Variants in TRPM3 observed in about 807,000 individuals in gnomAD.
The protein encoded by TRPM3 is long transient receptor potential channel 3.
TRPM3 carries 77 observed loss-of-function variants against 181.2 expected under a neutral mutation model. The observed-to-expected ratio is 0.42, with a 90% confidence interval of 0.35 to 0.51. The LOEUF is 0.51. Among genes scored for constraint, TRPM3 ranks in the 20% least tolerant of loss-of-function variants. TRPM3 has a pLI of 0.01. For synonymous variants in TRPM3, 745 were observed against 796.4 expected (o/e 0.94, Z 1.09); for missense variants, 1,759 against 2,196.7 (o/e 0.80, Z 3.98).
At chr9:70,951,973 G>A (rs1590028422) in intron 1 of TRPM3, among the ~76,000 whole-genome samples, 1 of 152,138 alleles carries the variant, frequency 6.6e-6, no homozygotes, top group East Asian at 1.9e-4. Context: ...AAATGATTTA[G>A]GGGAAGAACA....
At chr9:71,080,207 TA>T (rs1218269833) in intron 1 of TRPM3, among the ~76,000 whole-genome samples, 1 of 145,754 alleles carries the variant, frequency 6.9e-6, no homozygotes, top group African/African-American at 2.5e-5. Context: ...AATAAATAAA[TA>T]AAATAAAAAG....
At chr9:70,686,982 G>A (rs921428872) in intron 8 of TRPM3, among the ~76,000 whole-genome samples, 62 of 151,684 alleles carry the variant, frequency 4.1e-4, no homozygotes, top group African/African-American at 1.4e-3. Flanking sequence ...CACCATGCCC[G>A]GCTAATTTTT....
At chr9:71,141,692 G>A (rs1021938950) in intron 1 of TRPM3, among the ~76,000 whole-genome samples, 19 of 152,068 alleles carry the variant, frequency 1.2e-4, no homozygotes, top group African/African-American at 4.6e-4. Context: ...CTTGAATGAC[G>A]GGATTAATAT....
intron 7 of TRPM3, among the ~76,000 whole-genome samples, chr9:70,764,127 C>A (rs1002660504): frequency 5.9e-5 from 9 of 152,032 alleles, no homozygotes; most frequent in Non-Finnish European, 4.4e-5. Context: ...GGTTTTATCC[C>A]CCAGACAATG....
intron 1 of TRPM3, among the ~76,000 whole-genome samples, chr9:70,931,238 A>C (rs2096772454): frequency 6.6e-6 from 1 of 152,152 alleles, no homozygotes; most frequent in Non-Finnish European, 1.5e-5. Flanking sequence ...AAGTTTTAAG[A>C]ATAACTTGGA....
At chr9:71,342,145 T>A (rs2091002385) in intron 1 of TRPM3, among the ~76,000 whole-genome samples, 1 of 150,480 alleles carries the variant, frequency 6.6e-6, no homozygotes, top group Non-Finnish European at 1.5e-5. Context: ...AAACAGACAC[T>A]TTTAAATATC....
chr9:70,881,130 T>C lies in TRPM3; in HGVS notation c.178-16619A>G, dbSNP rs1482317159. On this transcript the variant is annotated intron_variant, in intron 1 of 25. Transcript: ENST00000677713. The stretch of plus-strand genomic sequence containing the variant: ...TTAGATGTACATATTTTCAGGTACA[T>C]GTGATAATTTGATACATTCATATAA... 2.0e-5 allele frequency among the ~76,000 whole-genome samples: 3 copies of C among 152,150 alleles called. No individual in the cohort carries two copies. In the East Asian group the frequency reaches 5.8e-4, roughly 29 times the overall value.
Position 70,923,033 on chromosome 9 carries a change from G to A in TRPM3, c.178-58522C>T, listed in dbSNP as rs575399980. ...AAGAGAAAAAGCCATTGATCTTTCC[G>A]ACTTTGGTTTTTCCAAATGGAGTGG... On this transcript the variant is annotated intron_variant, in intron 1 of 25. Transcript: ENST00000677713. Among the ~76,000 whole-genome samples the A allele has an allele frequency of 5.3e-4, 80 of 152,102 alleles. 1 individual carries two copies. The highest frequency in any genetic ancestry group is 1.8e-3 in the African/African-American group (74 of 41,488).
At chr9:71,080,527 GTGTTTGAGGGATGATAGGA>G (rs2064140933) in intron 1 of TRPM3, among the ~76,000 whole-genome samples, 1 of 152,154 alleles carries the variant, frequency 6.6e-6, no homozygotes, top group Non-Finnish European at 1.5e-5. Context: ...TGTGGATTCT[GTGTTTGAGGGATGATAGGA>G]CAATGAGGTA....
chr9:70,676,837 C>G (rs551911627), intron 9 of TRPM3, among the ~76,000 whole-genome samples: 1 of 152,166 alleles, frequency 6.6e-6, no homozygotes, highest in Admixed American at 6.5e-5. Context: ...TCATTCTCCC[C>G]CAAGGCAAGC....
intron 6 of TRPM3, among the ~76,000 whole-genome samples, chr9:70,785,944 C>G (rs1370776993): frequency 6.6e-6 from 1 of 152,088 alleles, no homozygotes. Flanking sequence ...GACAAGTGAC[C>G]TGGGGACCCA....
At chr9:71,185,560 G>A (rs978298609) in intron 1 of TRPM3, among the ~76,000 whole-genome samples, 8 of 152,042 alleles carry the variant, frequency 5.3e-5, no homozygotes, top group African/African-American at 1.7e-4. Flanking sequence ...AGGCTAATTA[G>A]GACAGCCTTT....
chr9:70,973,016 A>C (rs2097262210), intron 1 of TRPM3, among the ~76,000 whole-genome samples: 1 of 152,168 alleles, frequency 6.6e-6, no homozygotes, highest in Non-Finnish European at 1.5e-5. Flanking sequence ...TGTGACACTC[A>C]TACTTTCAAC....
intron 1 of TRPM3, among the ~76,000 whole-genome samples, chr9:70,932,941 A>T (rs560973606): frequency 7.3e-4 from 111 of 152,156 alleles, no homozygotes; most frequent in Non-Finnish European, 1.4e-3. Context: ...GACAGAAGAG[A>T]TGGTGAGAAG....
chr9:70,562,045 G>T (rs777945647), intron 22 of TRPM3, among the ~76,000 whole-genome samples: 8 of 152,056 alleles, frequency 5.3e-5, no homozygotes, highest in Non-Finnish European at 1.0e-4. Flanking sequence ...TTTATTTTGT[G>T]GTTATCCTCT....
intron 1 of TRPM3, among the ~76,000 whole-genome samples, chr9:71,375,044 T>C (rs1425037359): frequency 1.3e-5 from 2 of 152,126 alleles, no homozygotes; most frequent in Non-Finnish European, 2.9e-5. Flanking sequence ...TTCCATGCAT[T>C]CCCATTAAAC....
intron 1 of TRPM3, among the ~76,000 whole-genome samples, chr9:71,173,272 A>G (rs1565303613): frequency 6.6e-6 from 1 of 152,136 alleles, no homozygotes; most frequent in Non-Finnish European, 1.5e-5. Flanking sequence ...ATAATTATAT[A>G]TATTAACAAT....
chr9:70,601,863 TATC>T (rs1185302251), intron 20 of TRPM3, among the ~76,000 whole-genome samples: 2 of 152,118 alleles, frequency 1.3e-5, no homozygotes, highest in Admixed American at 6.5e-5. Context: ...CTTTTCTGCT[TATC>T]ATGGGGAAGG....
In TRPM3 at chr9:71,102,798, A is replaced by T. The variant is rs114959187; in HGVS notation, c.177+18380T>A. On this transcript the variant is annotated intron_variant, in intron 1 of 25. Coordinates refer to ENST00000677713, the MANE Select transcript of TRPM3 (RefSeq NM_001366145.2). ...TAATTATTCATGTCAATTTCCTCCC[A>T]TTAGTTGGTCAGATCCTAGACTGTA... Among the ~76,000 whole-genome samples the T allele has an allele frequency of 8.8e-3, 1,341 of 152,204 alleles. 6 individuals carry two copies. The highest frequency in any genetic ancestry group is 0.017 in the African/African-American group (715 of 41,526).
Sources: allele counts gnomAD v4.1 joint callset (sites outside exome capture counted in the v4.1 genomes callset), GRCh38; gene constraint gnomAD v4.1.1; transcripts MANE v1.5; gene names NCBI Gene and HGNC (gene_info 2026-07-23, HGNC 2026-07-21).